Variants in ABCD4 observed in about 807,000 individuals in gnomAD.
ABCD4 encodes lysosomal cobalamin transporter ABCD4.
In ABCD4, 53 loss-of-function variants were observed where a neutral mutation model predicts 86.3. That is an observed-to-expected ratio of 0.61 (90% CI 0.49 to 0.77). ABCD4 has a LOEUF of 0.77. ABCD4 is among the 30% of genes least tolerant of loss of function. ABCD4 has a pLI of 0.00. For synonymous variants in ABCD4, 328 were observed against 313.6 expected (o/e 1.05, Z -0.49); for missense variants, 757 against 764.5 (o/e 0.99, Z 0.12).
chr14:74,287,361 C>A (rs143976480), intron 17 of ABCD4, among the ~76,000 whole-genome samples: 78 of 152,104 alleles, frequency 5.1e-4, no homozygotes, highest in Non-Finnish European at 1.0e-3. Flanking sequence ...CCAGCCTGGG[C>A]AACATAGCAT....
chr14:74,301,905 A>G (rs1198385637), intron 1 of ABCD4, among the ~76,000 whole-genome samples: 1 of 151,216 alleles, frequency 6.6e-6, no homozygotes, highest in Non-Finnish European at 1.5e-5. Flanking sequence ...GTCTCAAAAG[A>G]AAGAAAGAAA....
At chr14:74,293,041 A>G in intron 8 of ABCD4, 113 bp downstream of exon 8, 1 of 1,434,958 alleles carries the variant, frequency 7.0e-7, no homozygotes, top group African/African-American at 1.4e-5. Flanking sequence ...ATCCCCGGTT[A>G]ATTCCTTCAT....
chr14:74,301,683 G>T (rs959060036), intron 1 of ABCD4, among the ~76,000 whole-genome samples: 1 of 151,852 alleles, frequency 6.6e-6, no homozygotes, highest in Non-Finnish European at 1.5e-5. Context: ...GAGGCGGGTG[G>T]ATCACCTGAG....
rs986806104 is a variant in ABCD4, at chr14:74,286,294, A to T, written c.*167T>A. ...TTCAGTGTCCCCCACAGAAACCTAG[A>T]CCTGGGCTCAGCCCACCACTGCTAG... On this transcript the variant is annotated 3_prime_UTR_variant, in exon 19 of 19. Transcript: ENST00000356924. 1.4e-5 allele frequency: 9 copies of T among 662,022 alleles called. No homozygotes were observed. Among genetic ancestry groups the T allele is most frequent in the Non-Finnish European group, 2.1e-5 (8 of 386,010 alleles). 41.0% of individuals were successfully genotyped at this position (662,022 alleles called of 1,614,324 possible). A position where few individuals can be genotyped will look rare whatever the true frequency, so the allele number is the denominator to read the frequency against.
chr14:74,295,524 G>C (rs768401632), intron 6 of ABCD4, among the ~76,000 whole-genome samples: 43 of 152,202 alleles, frequency 2.8e-4, no homozygotes, highest in Admixed American at 2.6e-4. Flanking sequence ...TCCATTGGCT[G>C]CCACACCCAA....
At position 74,302,659 on chromosome 14, in the gene ABCD4, A is replaced by C. The variant is rs1366694468; in HGVS notation, c.38+216T>G. Among the ~76,000 whole-genome samples the C allele has an allele frequency of 6.6e-5, 10 of 152,336 alleles. No homozygotes were observed. The East Asian group carries it at 1.9e-3, about 29-fold the overall frequency. ...GGTCCCACACCGCAGGAGATGGCAC[A>C]AGTCCGGCCAAGAACGGAGGGGGCC... On this transcript the variant is annotated intron_variant, in intron 1 of 18. Coordinates refer to ENST00000356924, the MANE Select transcript of ABCD4 (RefSeq NM_005050.4).
In ABCD4 at chr14:74,295,169, G is replaced by A. The variant is rs1290729768; in HGVS notation, c.698C>T (p.Ala233Val). The stretch of plus-strand genomic sequence containing the variant: ...TCACCTGTAGAAAGCAGCAGGCTCC[G>A]CATTCACCCGAATCTGCATGTGCTT... ...RFKHMQIRVNAEPAAFYRAGH... is the reference protein window; with the variant it reads ...RFKHMQIRVNVEPAAFYRAGH... The change falls in exon 7 of 19, where the codon GCG (alanine) becomes GTG (valine). Residue 233 changes from alanine to valine, a missense_variant. By Grantham distance (64) the Ala-to-Val change is moderately conservative (BLOSUM62 0). Transcript: ENST00000356924. 12 of 1,614,120 alleles carry A rather than the reference G, an allele frequency of 7.4e-6. No individual in the cohort carries two copies. The East Asian group carries it at 1.1e-4, about 15-fold the overall frequency.
intron 14 of ABCD4, chr14:74,288,971 G>T: frequency 2.2e-6 from 2 of 908,140 alleles, no homozygotes; most frequent in Non-Finnish European, 3.1e-6. Flanking sequence ...AATTAGGCAG[G>T]CAAGGTGGCG....
rs201744101 is a variant in ABCD4 at position 74,297,993 on chromosome 14, C to T, written c.362G>A (p.Arg121His). 4.0e-5 allele frequency: 65 copies of T among 1,613,954 alleles called. No homozygotes were observed. The highest frequency in any genetic ancestry group is 1.7e-4 in the Middle Eastern group (1 of 6,058). ...GTACGCACGGCCCCGGAAGTAGAGG[C>T]GGTGAAGGTGCTCAGTGAGGTCCTT... is the stretch of plus-strand genomic sequence containing the variant. ...WRKDLTEHLH[R>H]LYFRGRAYYT... Residue 121 changes from arginine (R) to histidine (H), a missense_variant, in exon 4 of 19, where the codon CGC becomes CAC. Transcript: ENST00000356924.
intron 3 of ABCD4, chr14:74,299,273 G>T: frequency 3.2e-6 from 1 of 309,662 alleles, no homozygotes; most frequent in Non-Finnish European, 6.1e-6. Context: ...GTTCTAGGAA[G>T]GAAAGGGGCA....
At position 74,292,623 on chromosome 14, in the gene ABCD4, T is replaced by C. The variant is rs201777056; in HGVS notation, c.956A>G (p.Tyr319Cys). 2.4e-5 allele frequency: 39 copies of C among 1,612,384 alleles called. No individual in the cohort carries two copies. Among genetic ancestry groups the C allele is most frequent in the African/African-American group, 1.1e-4 (8 of 74,322 alleles). Reference protein sequence around the residue: ...LVSKNAFVCIYLISCFTQLID... With the variant: ...LVSKNAFVCICLISCFTQLID... Reference sequence around the variant, plus strand: ...GAGCTGGGTGAAGCAGCTGATGAGGTAGATGCACACAAAGGCATTCTGGAC... The same window carrying C: ...GAGCTGGGTGAAGCAGCTGATGAGGCAGATGCACACAAAGGCATTCTGGAC... The change falls in exon 10 of 19, where the codon TAC (tyrosine) becomes TGC (cysteine). Residue 319 changes from tyrosine (Y) to cysteine (C), a missense_variant. By Grantham distance (194) the Tyr-to-Cys change is radical. Coordinates refer to ENST00000356924, the MANE Select transcript of ABCD4 (RefSeq NM_005050.4).
rs769814881 is a variant in ABCD4, at chr14:74,293,197, A to C, written c.771T>G (p.Leu257=). The stretch of plus-strand genomic sequence containing the variant: ...TGGACATCAGCTCCCTCTGGGTCTG[A>C]AGGAGTCTCTGCAGCCTGCGGTCTG... The part of the protein sequence containing the change: ...MRTDRRLQRL[L]QTQRELMSKE... The change falls in exon 8 of 19, where the codon CTT becomes CTG. Residue 257 remains leucine (L), a synonymous_variant. Coordinates refer to ENST00000356924, the MANE Select transcript of ABCD4 (RefSeq NM_005050.4). The C allele has an allele frequency of 6.2e-7, 1 of 1,614,040 alleles. No homozygotes were observed. The highest frequency in any genetic ancestry group is 8.5e-7 in the Non-Finnish European group (1 of 1,180,038).
At chr14:74,288,637 T>C (rs781108166) in intron 15 of ABCD4, 79 bp downstream of exon 15, 4 of 1,518,010 alleles carry the variant, frequency 2.6e-6, no homozygotes, top group Non-Finnish European at 2.7e-6. Context: ...GGCCCAAGCA[T>C]AGCAGGGCCA....
At chr14:74,292,941 G>A (rs2081938956) in intron 8 of ABCD4, 72 bp from the exon 9 acceptor site, 2 of 1,603,988 alleles carry the variant, frequency 1.2e-6, no homozygotes, top group African/African-American at 1.3e-5. Flanking sequence ...CCCTAAGACA[G>A]GGAGCAGGAC....
intron 11 of ABCD4, among the ~76,000 whole-genome samples, chr14:74,292,085 G>GT (rs1478288518): frequency 6.7e-6 from 1 of 149,354 alleles, no homozygotes; most frequent in African/African-American, 2.6e-5. Context: ...GCTTCCACTG[G>GT]CCGGGGAATG....
At chr14:74,293,299 T>C (rs920320746) in intron 7 of ABCD4, 51 bp from the exon 8 acceptor site, 1 of 1,575,092 alleles carries the variant, frequency 6.3e-7, no homozygotes, top group Non-Finnish European at 8.7e-7. Context: ...TTCAGCCAGG[T>C]TGGGGGGCCG....
In ABCD4 at chr14:74,287,875, A is replaced by C. The variant is rs766559667; in HGVS notation, c.1571T>G (p.Leu524Arg). 1.2e-6 allele frequency: 2 copies of C among 1,613,106 alleles called. No individual in the cohort carries two copies. Among genetic ancestry groups the C allele is most frequent in the Non-Finnish European group, 1.7e-6 (2 of 1,179,488 alleles). The part of the protein sequence containing the change: ...QQVDWNWYDV[L>R]SPGEMQRLSF... Reference sequence around the variant, plus strand: ...GAGCCGTTGCATCTCCCCCGGGGACAGAACATCATACCTGAGGAAAGGTAG... The same window carrying C: ...GAGCCGTTGCATCTCCCCCGGGGACCGAACATCATACCTGAGGAAAGGTAG... Residue 524 changes from leucine to arginine, a missense_variant, in exon 17 of 19, where the codon CTG (leucine) becomes CGG (arginine). Physicochemically the swap from Leu to Arg is moderately radical, Grantham distance 102. Transcript: ENST00000356924.
At position 74,286,712 on chromosome 14, in the gene ABCD4, T is replaced by C; in HGVS notation, c.1741A>G (p.Ser581Gly). ...MTFISVGHRQ[S>G]LEKFHSLVLK... ...GTGAGCACGGGTACCTTCTCAAGGC[T>C]CTGCCGATGTCCCACACTGATGAAC... The change falls in exon 18 of 19, where the codon AGC becomes GGC. Residue 581 changes from serine to glycine, a missense_variant. Coordinates refer to ENST00000356924, the MANE Select transcript of ABCD4 (RefSeq NM_005050.4). 9 of 1,614,124 alleles carry C rather than the reference T, an allele frequency of 5.6e-6. No individual in the cohort carries two copies. Among genetic ancestry groups the C allele is most frequent in the Non-Finnish European group, 7.6e-6 (9 of 1,180,038 alleles).
chr14:74,290,300 T>C lies in ABCD4; in HGVS notation c.1318A>G (p.Ser440Gly), dbSNP rs2081138743. 4 of 1,614,074 alleles carry C rather than the reference T, an allele frequency of 2.5e-6. No homozygotes were observed. The highest frequency in any genetic ancestry group is 3.4e-6 in the Non-Finnish European group (4 of 1,180,046). The change falls in exon 12 of 19, where the codon AGT becomes GGT. Residue 440 changes from serine (S) to glycine (G), a missense_variant. Coordinates refer to ENST00000356924, the MANE Select transcript of ABCD4 (RefSeq NM_005050.4). ...LLRVLGGLWT[S>G]TRGSVQMLTD... is the part of the protein sequence containing the mutation. ...AGGGCCTGGCTCTCACCCCGTGTAC[T>C]CGTCCAGAGGCCACCCAGAACCCGG...
Sources: gnomAD v4.1 joint callset for allele counts (sites outside exome capture counted in the v4.1 genomes callset) on GRCh38, gnomAD v4.1.1 for gene constraint, MANE v1.5 for transcripts, NCBI Gene and HGNC (gene_info 2026-07-23, HGNC 2026-07-21) for gene names.